CALN1: variants seen among roughly 807,000 people sequenced by gnomAD.
The protein encoded by CALN1 is calcium-binding protein 8.
A neutral mutation model predicts 30.6 loss-of-function variants in CALN1; 17 were observed. That is an observed-to-expected ratio of 0.56 (90% confidence interval 0.38 to 0.83). The LOEUF (loss-of-function observed/expected upper bound fraction) is 0.83, where lower values mean the gene tolerates loss of function less well. Among genes scored for constraint, CALN1 ranks in the 40% least tolerant of loss-of-function variants. The pLI is 0.00. For synonymous variants in CALN1, 156 were observed against 131.4 expected (o/e 1.19, Z -1.28); for missense variants, 291 against 354.9 (o/e 0.82, Z 1.45).
At chr7:71,820,985 T>G (rs2867515) in intron 5 of CALN1, among the ~76,000 whole-genome samples, 1 of 152,090 alleles carries the variant, frequency 6.6e-6, no homozygotes, top group African/African-American at 2.4e-5. Flanking sequence ...GACACCTGGG[T>G]TTTACGTTCA....
At chr7:71,999,178 A>G (rs1799404097) in intron 5 of CALN1, among the ~76,000 whole-genome samples, 1 of 152,232 alleles carries the variant, frequency 6.6e-6, no homozygotes. Context: ...CAGTGGCTAC[A>G]TCAATACAAA....
chr7:72,349,282 TTGTGTGTGTGTGTGTGTGTGTGTG>T (rs3032183), intron 2 of CALN1, among the ~76,000 whole-genome samples: 2 of 147,754 alleles, frequency 1.4e-5, no homozygotes, highest in African/African-American at 2.5e-5. Context: ...ACACGCGTGC[TTGTGTGTGTGTGTGTGTGTGTGTG>T]TGTGTGTGTG....
chr7:71,948,722 C>G (rs1294050846), intron 5 of CALN1, among the ~76,000 whole-genome samples: 3 of 142,268 alleles, frequency 2.1e-5, no homozygotes, highest in Non-Finnish European at 4.6e-5. Context: ...CAGAGAGAGA[C>G]TCTGTCTCAA....
At chr7:72,049,978 C>CA (rs1295677404) in intron 4 of CALN1, among the ~76,000 whole-genome samples, 3 of 143,466 alleles carry the variant, frequency 2.1e-5, no homozygotes, top group African/African-American at 7.7e-5. Flanking sequence ...CCTGGCTATA[C>CA]TTTTTTTTTT....
intron 5 of CALN1, among the ~76,000 whole-genome samples, chr7:71,911,825 A>G (rs1794438103): frequency 1.3e-5 from 2 of 152,114 alleles, no homozygotes; most frequent in Admixed American, 6.5e-5. Context: ...TCATTCTTAC[A>G]TTGATAAAAA....
chr7:72,416,734 CAAAAAAAAAAA>C (rs4029798), upstream of CALN1, among the ~76,000 whole-genome samples: 416 of 77,726 alleles, frequency 5.4e-3, 3 homozygotes, highest in African/African-American at 0.019. Flanking sequence ...GACTCTGTCT[CAAAAAAAAAAA>C]AAAAAAAAAA....
intron 3 of CALN1, among the ~76,000 whole-genome samples, chr7:72,216,973 G>A (rs527986208): frequency 2.6e-5 from 4 of 152,086 alleles, no homozygotes; most frequent in Admixed American, 6.6e-5. Context: ...CAAACTCCTG[G>A]GCTCAAGTGA....
At chr7:71,834,864 C>T (rs1789516047) in intron 5 of CALN1, among the ~76,000 whole-genome samples, 1 of 152,168 alleles carries the variant, frequency 6.6e-6, no homozygotes, top group Admixed American at 6.5e-5. Context: ...CAGCGTCTTA[C>T]TCTGTCACCC....
At chr7:72,418,763 G>A (rs1040019639) in intron 1 of CALN1, among the ~76,000 whole-genome samples, 2 of 152,142 alleles carry the variant, frequency 1.3e-5, no homozygotes, top group Non-Finnish European at 2.9e-5. Flanking sequence ...TATAACCCCA[G>A]CCCTTCAGAG....
intron 2 of CALN1, among the ~76,000 whole-genome samples, chr7:72,297,900 C>G (rs543402833): frequency 1.4e-4 from 21 of 152,278 alleles, no homozygotes; most frequent in African/African-American, 5.1e-4. Flanking sequence ...ACAAATGAGT[C>G]TGAAACTCCC....
At chr7:71,853,243 A>T (rs1252559294) in intron 5 of CALN1, among the ~76,000 whole-genome samples, 1 of 152,024 alleles carries the variant, frequency 6.6e-6, no homozygotes, top group Admixed American at 6.6e-5. Context: ...CACTCAGTCT[A>T]AAAAGTTATT....
chr7:71,883,134 T>TAA (rs1792686563), intron 5 of CALN1, among the ~76,000 whole-genome samples: 1 of 152,164 alleles, frequency 6.6e-6, no homozygotes, highest in Non-Finnish European at 1.5e-5. Flanking sequence ...TAGCTCTATA[T>TAA]CTATATAAAT....
Position 71,824,447 on chromosome 7 carries a change from G to C in CALN1, c.502-13955C>G, listed in dbSNP as rs73360094. ...TGAAAGGAACCTCAGGGGTGCCTGA[G>C]TCCCCAGTGAAGTCTGAATTCCCGA... On this transcript the variant is annotated intron_variant, in intron 5 of 6. Transcript: ENST00000395275. Among the ~76,000 whole-genome samples the C allele has an allele frequency of 4.8e-3, 728 of 152,206 alleles. 5 individuals are homozygous for C. Among genetic ancestry groups the C allele is most frequent in the African/African-American group, 0.016 (685 of 41,540 alleles).
intron 4 of CALN1, among the ~76,000 whole-genome samples, chr7:72,044,678 C>T (rs1167788204): frequency 7.6e-6 from 1 of 132,150 alleles, no homozygotes; most frequent in Non-Finnish European, 1.5e-5. Context: ...GTGATACAAT[C>T]ACAGCTCATT....
At chr7:72,483,664 T>G in the CALN1 span, among the ~76,000 whole-genome samples, 1 of 152,206 alleles carries the variant, frequency 6.6e-6, no homozygotes, top group African/African-American at 2.4e-5. Context: ...AATTTCTAAA[T>G]TTTCAGCCAT....
At chr7:72,088,749 GGAAGGAAGA>G (rs926528715) in intron 4 of CALN1, among the ~76,000 whole-genome samples, 8 of 145,796 alleles carry the variant, frequency 5.5e-5, no homozygotes, top group Non-Finnish European at 9.0e-5. Context: ...AGGAAGGGAA[GGAAGGAAGA>G]GAAGGAAGAG....
chr7:71,915,709 C>T (rs754193432), intron 5 of CALN1, among the ~76,000 whole-genome samples: 7 of 151,774 alleles, frequency 4.6e-5, no homozygotes, highest in Non-Finnish European at 8.8e-5. Flanking sequence ...ACTCCAGCCC[C>T]GCAACAGAGC....
intron 2 of CALN1, among the ~76,000 whole-genome samples, chr7:72,397,464 C>CA (rs1300653102): frequency 6.6e-6 from 1 of 152,108 alleles, no homozygotes; most frequent in African/African-American, 2.4e-5. Context: ...TTCATCTCCC[C>CA]AGTATGATCA....
At chr7:72,064,471 T>A (rs1230371899) in intron 4 of CALN1, among the ~76,000 whole-genome samples, 1 of 152,152 alleles carries the variant, frequency 6.6e-6, no homozygotes. Context: ...GATGGACAAT[T>A]CTAAACAGCT....
Sources: allele counts gnomAD v4.1 joint callset (sites outside exome capture counted in the v4.1 genomes callset), GRCh38; gene constraint gnomAD v4.1.1; transcripts MANE v1.5; gene names NCBI Gene and HGNC (gene_info 2026-07-23, HGNC 2026-07-21).